ECE1: variants seen among roughly 807,000 people sequenced by gnomAD.
ECE1 encodes the protein endothelin converting enzyme 1.
In ECE1, 35 loss-of-function variants were observed where a neutral mutation model predicts 98.6. The observed-to-expected ratio is 0.35, with a 90% CI of 0.27 to 0.47. The LOEUF (loss-of-function observed/expected upper bound fraction) is 0.47, where lower values mean the gene tolerates loss of function less well. ECE1 is among the 20% of genes least tolerant of loss of function. The pLI, the probability that ECE1 is intolerant of heterozygous loss-of-function variation, is 1.00. For missense variants in ECE1, 814 were observed against 1,025.3 expected (o/e 0.79, Z 2.81); for synonymous variants, 394 against 407.1 (o/e 0.97, Z 0.39).
intron 16 of ECE1, 145 bp downstream of exon 16, chr1:21,227,014 A>G: frequency 3.9e-6 from 3 of 771,180 alleles, no homozygotes; most frequent in Non-Finnish European, 6.6e-6. Flanking sequence ...ATAATCCATC[A>G]TGCACAGCCT....
At chr1:21,302,252 C>T (rs1638501602) in intron 1 of ECE1, among the ~76,000 whole-genome samples, 2 of 152,230 alleles carry the variant, frequency 1.3e-5, no homozygotes, top group Non-Finnish European at 2.9e-5. Flanking sequence ...AGTCCTGCCA[C>T]CTCCCCCTCT....
chr1:21,279,091 A>G, intron 3 of ECE1, 100 bp downstream of exon 3: 1 of 1,601,186 alleles, frequency 6.2e-7, no homozygotes, highest in Non-Finnish European at 8.5e-7. Context: ...TTAGCCTCAG[A>G]GCCCTGCCCC....
chr1:21,236,019 G>T, intron 12 of ECE1, 92 bp from the exon 13 acceptor site: 1 of 1,241,508 alleles, frequency 8.1e-7, no homozygotes, highest in Non-Finnish European at 1.2e-6. Context: ...TCTGGGCCAA[G>T]GGGAACCAGA....
In ECE1 at chr1:21,319,143, G is replaced by C. The variant is rs193172349; in HGVS notation, c.3+26233C>G. On this transcript the variant is annotated intron_variant, in intron 1 of 18. Transcript: ENST00000415912. The surrounding 1 kb of genome is among the most constrained non-coding windows in gnomAD (Gnocchi z 4.4). ...GTGGATTGCCTGAGCTTAGGAGTTCGAGACCAGCTTGGGCAACATGGTGAA... is the reference window on the plus strand; with the variant it reads ...GTGGATTGCCTGAGCTTAGGAGTTCCAGACCAGCTTGGGCAACATGGTGAA... Among the ~76,000 whole-genome samples the C allele has an allele frequency of 6.6e-6, 1 of 152,116 alleles. No homozygotes were observed. The highest frequency in any genetic ancestry group is 1.5e-5 in the Non-Finnish European group (1 of 68,024).
intron 10 of ECE1, among the ~76,000 whole-genome samples, chr1:21,242,402 G>A (rs567221685): frequency 3.8e-4 from 58 of 152,318 alleles, no homozygotes; most frequent in African/African-American, 1.4e-3. Context: ...GTGAGGTGAG[G>A]TCAGGAGTGA....
chr1:21,250,903 AGG>A (rs1014527979), intron 8 of ECE1, among the ~76,000 whole-genome samples: 1 of 152,188 alleles, frequency 6.6e-6, no homozygotes, highest in Non-Finnish European at 1.5e-5. Context: ...GCTACGCGGG[AGG>A]CTGAGGCAGG....
chr1:21,274,961 G>A (rs769856462), intron 3 of ECE1, among the ~76,000 whole-genome samples: 1 of 152,174 alleles, frequency 6.6e-6, no homozygotes, highest in Non-Finnish European at 1.5e-5. Context: ...CCAAACTCGG[G>A]GAAGGCACCA....
intron 2 of ECE1, among the ~76,000 whole-genome samples, chr1:21,284,344 A>T (rs2098258278): frequency 1.3e-5 from 2 of 152,226 alleles, no homozygotes; most frequent in Non-Finnish European, 2.9e-5. Context: ...TGAAATGGCC[A>T]TCCGCTAAGA....
upstream of ECE1, chr1:21,290,472 C>T (rs955298501): frequency 8.2e-5 from 101 of 1,224,986 alleles, no homozygotes; most frequent in Middle Eastern, 3.1e-4. This position sits in a 1 kb window ranked among gnomAD's most constrained non-coding sequence, Gnocchi z 7.3. Flanking sequence ...ATGGGCCGGG[C>T]CAGGCGTTGC....
intron 1 of ECE1, among the ~76,000 whole-genome samples, chr1:21,297,285 C>G (rs1638381230): frequency 6.6e-6 from 1 of 152,202 alleles, no homozygotes; most frequent in African/African-American, 2.4e-5. Flanking sequence ...CACCCCATGC[C>G]CAAGCCCCAA....
chr1:21,336,552 C>T (rs1283776171), intron 1 of ECE1, among the ~76,000 whole-genome samples: 2 of 151,770 alleles, frequency 1.3e-5, no homozygotes, highest in African/African-American at 2.4e-5. Flanking sequence ...AAAAATTAGT[C>T]GGCTGTGGCC....
At chr1:21,232,724 T>G (rs1244978345) in intron 14 of ECE1, among the ~76,000 whole-genome samples, 1 of 149,420 alleles carries the variant, frequency 6.7e-6, no homozygotes, top group Non-Finnish European at 1.5e-5. Context: ...CAGACTGGAG[T>G]GCAGTGGCAC....
At chr1:21,303,234 G>A (rs181200454) in intron 1 of ECE1, among the ~76,000 whole-genome samples, 137 of 152,352 alleles carry the variant, frequency 9.0e-4, no homozygotes, top group Non-Finnish European at 1.4e-3. Context: ...AGGTGGCACC[G>A]TGGTGGCTGT....
In ECE1 at chr1:21,225,228, G is replaced by C; in HGVS notation, c.2040+22C>G. Reference sequence around the variant, plus strand: ...AGGAGCCAGCACTGGGACCGTGCGCGTGTGGGGAGCGGGGCTCTCACCCGA... The same window carrying C: ...AGGAGCCAGCACTGGGACCGTGCGCCTGTGGGGAGCGGGGCTCTCACCCGA... On this transcript the variant is annotated intron_variant, in intron 17 of 18. Transcript: ENST00000374893. This position sits in a 1 kb window ranked among gnomAD's most constrained non-coding sequence, Gnocchi z 5.3. 6.2e-7 allele frequency: 1 copy of C among 1,613,460 alleles called. No homozygotes were observed. Among genetic ancestry groups the C allele is most frequent in the Non-Finnish European group, 8.5e-7 (1 of 1,179,900 alleles).
At chr1:21,275,029 T>C (rs1299791077) in intron 3 of ECE1, among the ~76,000 whole-genome samples, 2 of 152,268 alleles carry the variant, frequency 1.3e-5, no homozygotes, top group East Asian at 1.9e-4. Flanking sequence ...CTGTTGAGTA[T>C]TACGATATAA....
At chr1:21,222,638 T>C (rs1182748789) in intron 17 of ECE1, among the ~76,000 whole-genome samples, 1 of 151,870 alleles carries the variant, frequency 6.6e-6, no homozygotes, top group Non-Finnish European at 1.5e-5. Flanking sequence ...GTTAGGAGTT[T>C]GAGACCAGCC....
At chr1:21,244,738 C>T (rs2098200957) in intron 10 of ECE1, among the ~76,000 whole-genome samples, 1 of 152,204 alleles carries the variant, frequency 6.6e-6, no homozygotes, top group Non-Finnish European at 1.5e-5. Context: ...TAACAGTACT[C>T]ACCTCACAGG....
intron 1 of ECE1, among the ~76,000 whole-genome samples, chr1:21,336,113 T>C (rs1405632438): frequency 6.6e-6 from 1 of 152,212 alleles, no homozygotes; most frequent in Non-Finnish European, 1.5e-5. Flanking sequence ...ACAGGCAGTG[T>C]CTCATACCTG....
At chr1:21,254,680 T>C (rs745626596) in intron 8 of ECE1, among the ~76,000 whole-genome samples, 5 of 151,946 alleles carry the variant, frequency 3.3e-5, no homozygotes, top group Non-Finnish European at 7.4e-5. Flanking sequence ...CAAATTATAA[T>C]GCACAAACAA....
Sources: gnomAD v4.1 joint callset for allele counts (sites outside exome capture counted in the v4.1 genomes callset) on GRCh38, gnomAD v4.1.1 for gene constraint, Gnocchi (gnomAD v3.1) non-coding constraint, MANE v1.5 for transcripts, NCBI Gene and HGNC (gene_info 2026-07-23, HGNC 2026-07-21) for gene names.